The following P4HA1 variants were observed in gnomAD, a reference collection of about 807,000 sequenced individuals.
P4HA1 encodes the protein prolyl 4-hydroxylase subunit alpha-1.
Under a neutral mutation model 72.8 loss-of-function variants are expected in P4HA1, and 24 were observed. That is an observed-to-expected ratio of 0.33 (90% CI 0.24 to 0.46). The LOEUF is 0.46. P4HA1 is among the 20% of genes least tolerant of loss of function. The pLI is 1.00. For missense variants in P4HA1, 446 were observed against 640.6 expected, an observed-to-expected ratio of 0.70 and a Z score of 3.28; for synonymous variants, 201 against 218.8, an observed-to-expected ratio of 0.92 and a Z score of 0.72.
At chr10:73,093,791 C>A (rs928339458) in intron 1 of P4HA1, among the ~76,000 whole-genome samples, 3 of 127,582 alleles carry the variant, frequency 2.4e-5, no homozygotes, top group African/African-American at 8.8e-5. Flanking sequence ...TGCAGTGGGC[C>A]GAGATTGCAC....
chr10:73,051,970 CA>C (rs1841030903), intron 6 of P4HA1, among the ~76,000 whole-genome samples: 1 of 152,078 alleles, frequency 6.6e-6, no homozygotes, highest in African/African-American at 2.4e-5. Context: ...AGGGGATAAG[CA>C]ATTCAAAAGC....
In P4HA1 at chr10:73,009,894, C is replaced by A. The variant is rs1839875852; in HGVS notation, c.1447G>T (p.Val483Phe). 1 of 1,585,830 alleles carries A rather than the reference C, an allele frequency of 6.3e-7. No individual in the cohort carries two copies. The highest frequency in any genetic ancestry group is 1.1e-5 in the South Asian group (1 of 90,490). ...CTGGCAAACAGATTATACCAGAAAACAGCAGTTCCCTATGGAGAACAATTC... is the reference window on the plus strand; with the variant it reads ...CTGGCAAACAGATTATACCAGAAAAAAGCAGTTCCCTATGGAGAACAATTC... ...ASVWPKKGTAVFWYNLFASGE... is the reference protein window; with the variant it reads ...ASVWPKKGTAFFWYNLFASGE... The change falls in exon 14 of 15, where the codon GTT becomes TTT. Residue 483 changes from valine (V) to phenylalanine (F), a missense_variant. Physicochemically the swap from Val to Phe is conservative, Grantham distance 50 (BLOSUM62 -1). Coordinates refer to ENST00000394890, the MANE Select transcript of P4HA1 (RefSeq NM_001017962.3).
chr10:73,043,777 A>T, intron 9 of P4HA1: 1 of 809,046 alleles, frequency 1.2e-6, no homozygotes, highest in East Asian at 2.5e-5. Context: ...TCAAACATCT[A>T]TGCCTAACCA....
rs143166037 is a variant in P4HA1 at position 73,076,899 on chromosome 10, G to A, written c.-32-1984C>T. Among the ~76,000 whole-genome samples the A allele has an allele frequency of 7.2e-5, 11 of 152,168 alleles. No individual in the cohort carries two copies. In the East Asian group the frequency reaches 1.2e-3, roughly 16 times the overall value. Reference sequence around the variant, plus strand: ...CTCAGGTTCAAATTGAAAGCTCCCCGTTCTACAAGAGCTAAAAAATAACCC... The same window carrying A: ...CTCAGGTTCAAATTGAAAGCTCCCCATTCTACAAGAGCTAAAAAATAACCC... On this transcript the variant is annotated intron_variant, in intron 1 of 14. Transcript: ENST00000394890.
At position 73,078,902 on chromosome 10, in the gene P4HA1, G is replaced by A. The variant is rs533218666; in HGVS notation, c.-32-3987C>T. Among the ~76,000 whole-genome samples, 22 of 152,072 alleles carry A rather than the reference G, an allele frequency of 1.4e-4. No individual in the cohort carries two copies. The South Asian group carries it at 3.3e-3, about 23-fold the overall frequency. ...GCTGGGATTACAGGCGTGAGCCACC[G>A]CGCCCGGCTGGTAATTTTCTTTTAT... On this transcript the variant is annotated intron_variant, in intron 1 of 14. Coordinates refer to ENST00000394890, the MANE Select transcript of P4HA1 (RefSeq NM_001017962.3).
intron 1 of P4HA1, among the ~76,000 whole-genome samples, chr10:73,080,833 C>A (rs1487331618): frequency 2.0e-5 from 3 of 152,146 alleles, no homozygotes; most frequent in Admixed American, 6.6e-5. Flanking sequence ...GAGGCTGAGG[C>A]AGGAGAATCA....
chr10:73,041,641 C>A (rs1271721535), intron 9 of P4HA1, among the ~76,000 whole-genome samples: 2 of 151,014 alleles, frequency 1.3e-5, no homozygotes, highest in Non-Finnish European at 2.9e-5. Context: ...AAGAAATGAA[C>A]ATCCTTATCC....
At chr10:73,064,225 G>A (rs1841371216) in intron 5 of P4HA1, among the ~76,000 whole-genome samples, 1 of 152,146 alleles carries the variant, frequency 6.6e-6, no homozygotes, top group African/African-American at 2.4e-5. Flanking sequence ...CCACCACTTT[G>A]GGAGGCTGCG....
At chr10:73,065,865 T>C (rs980233943) in intron 5 of P4HA1, among the ~76,000 whole-genome samples, 1 of 152,100 alleles carries the variant, frequency 6.6e-6, no homozygotes, top group African/African-American at 2.4e-5. Flanking sequence ...GAATAAATAA[T>C]GTTATACAAT....
chr10:73,030,416 A>G (rs1487741595), intron 9 of P4HA1, 46 bp from the exon 10 acceptor site: 2 of 953,646 alleles, frequency 2.1e-6, no homozygotes, highest in Non-Finnish European at 3.2e-6. Flanking sequence ...GTTTCATTAC[A>G]TGGAGACTAA....
intron 5 of P4HA1, among the ~76,000 whole-genome samples, chr10:73,067,182 G>A (rs1391702552): frequency 6.6e-6 from 1 of 152,062 alleles, no homozygotes; most frequent in Non-Finnish European, 1.5e-5. Context: ...TTTGTTAAAT[G>A]GAATCTATCC....
intron 10 of P4HA1, among the ~76,000 whole-genome samples, chr10:73,020,107 T>G (rs1037009254): frequency 6.6e-6 from 1 of 151,994 alleles, no homozygotes; most frequent in African/African-American, 2.4e-5. Flanking sequence ...TTCAGTCAGA[T>G]TGTCAAACAT....
intron 4 of P4HA1, among the ~76,000 whole-genome samples, chr10:73,070,141 CCTTTTTT>C (rs1841521580): frequency 1.8e-5 from 2 of 112,562 alleles, no homozygotes; most frequent in African/African-American, 3.6e-5. Context: ...AGAGACCAGG[CCTTTTTT>C]TTTTTTTTTT....
At chr10:73,036,962 G>C (rs562475727) in intron 9 of P4HA1, among the ~76,000 whole-genome samples, 2 of 151,724 alleles carry the variant, frequency 1.3e-5, no homozygotes, top group Admixed American at 1.3e-4. Flanking sequence ...AAATCCAGAG[G>C]TTTTGCTTTC....
At chr10:73,038,342 G>A (rs948268157) in intron 9 of P4HA1, among the ~76,000 whole-genome samples, 9 of 151,988 alleles carry the variant, frequency 5.9e-5, no homozygotes, top group Non-Finnish European at 1.2e-4. Context: ...CATAAATACC[G>A]TATTGTAGGA....
chr10:73,012,317 CAT>C (rs1252792284), intron 12 of P4HA1, among the ~76,000 whole-genome samples: 3 of 152,120 alleles, frequency 2.0e-5, no homozygotes, highest in Non-Finnish European at 2.9e-5. Context: ...GTGAAATATA[CAT>C]AGATCAAAAA....
intron 10 of P4HA1, among the ~76,000 whole-genome samples, chr10:73,026,537 T>C (rs149806723): frequency 0.048 from 7,248 of 152,240 alleles, 605 homozygotes; most frequent in African/African-American, 0.17. Context: ...ATTCAGGACA[T>C]AGGCATGGGC....
chr10:73,008,439 T>C (rs1357340454), intron 14 of P4HA1, 147 bp from the exon 15 acceptor site: 3 of 593,914 alleles, frequency 5.1e-6, no homozygotes, highest in East Asian at 5.5e-5. Flanking sequence ...ACTTAAAAAC[T>C]TGGCTAAATG....
At chr10:73,079,673 C>T (rs949747732) in intron 1 of P4HA1, among the ~76,000 whole-genome samples, 1 of 151,926 alleles carries the variant, frequency 6.6e-6, no homozygotes, top group Non-Finnish European at 1.5e-5. Flanking sequence ...ACCCAGGAGG[C>T]GGAGGTTCCT....
Sources: gnomAD v4.1 joint callset for allele counts (sites outside exome capture counted in the v4.1 genomes callset) on GRCh38, gnomAD v4.1.1 for gene constraint, MANE v1.5 for transcripts, NCBI Gene and HGNC (gene_info 2026-07-23, HGNC 2026-07-21) for gene names.